The following SGPP1 variants were observed in gnomAD, a reference collection of about 807,000 sequenced individuals.
The protein encoded by SGPP1 is sphingosine-1-phosphate phosphatase 1, also known as hSPP1.
A neutral mutation model predicts 33.0 loss-of-function variants in SGPP1; 21 were observed. That is an observed-to-expected ratio of 0.64 (90% CI 0.45 to 0.92). The LOEUF is 0.92. SGPP1 is among the 40% of genes least tolerant of loss of function. The pLI, the probability that SGPP1 is intolerant of heterozygous loss-of-function variation, is 0.00. For missense variants in SGPP1, 543 were observed against 589.4 expected, an observed-to-expected ratio of 0.92 and a Z score of 0.81; for synonymous variants, 239 against 241.2, an observed-to-expected ratio of 0.99 and a Z score of 0.08.
chr14:63,719,000 ATATATATATATATATTTTTTTTTTT>A (rs1390823593), intron 1 of SGPP1, among the ~76,000 whole-genome samples: 20 of 24,266 alleles, frequency 8.2e-4, no homozygotes, highest in African/African-American at 3.4e-3. Context: ...ATATATATAT[ATATATATATATATATTTTTTTTTTT>A]TTTTTTTTTT....
chr14:63,703,578 G>A (rs557252411), intron 1 of SGPP1, among the ~76,000 whole-genome samples: 10 of 150,442 alleles, frequency 6.6e-5, no homozygotes, highest in South Asian at 6.3e-4. Context: ...GCTTGAACCC[G>A]GGAGGCAGAG....
At chr14:63,709,763 T>C (rs562433845) in intron 1 of SGPP1, among the ~76,000 whole-genome samples, 2 of 152,334 alleles carry the variant, frequency 1.3e-5, no homozygotes, top group Middle Eastern at 3.4e-3. Flanking sequence ...ACAGATCACA[T>C]GACATCCTAG....
At chr14:63,696,756 C>A (rs975385910) in intron 2 of SGPP1, among the ~76,000 whole-genome samples, 2 of 152,128 alleles carry the variant, frequency 1.3e-5, no homozygotes, top group African/African-American at 2.4e-5. Flanking sequence ...GAGGCCAAGG[C>A]AGGTGGATTA....
At position 63,720,010 on chromosome 14, in the gene SGPP1, C is replaced by T. The variant is rs1471306055; in HGVS notation, c.684+7251G>A. On this transcript the variant is annotated intron_variant, in intron 1 of 2. Coordinates refer to ENST00000247225, the MANE Select transcript of SGPP1 (RefSeq NM_030791.4). Reference sequence around the variant, plus strand: ...ACATGGTGGTAGGTGCCGGTAATCCCAGCTACTCGGGAGGCTGGGGCAGGA... The same window carrying T: ...ACATGGTGGTAGGTGCCGGTAATCCTAGCTACTCGGGAGGCTGGGGCAGGA... 3.3e-5 allele frequency among the ~76,000 whole-genome samples: 5 copies of T among 151,244 alleles called. No homozygotes were observed. The East Asian group carries it at 9.7e-4, about 29-fold the overall frequency.
At position 63,728,001 on chromosome 14, in the gene SGPP1, C is replaced by G. The variant is rs567903643; in HGVS notation, c.-57G>C. The G allele has an allele frequency of 4.1e-5, 60 of 1,471,462 alleles. No homozygotes were observed. The highest frequency in any genetic ancestry group is 4.9e-5 in the Non-Finnish European group (55 of 1,117,516). 91.2% of individuals were successfully genotyped at this position (1,471,462 alleles called of 1,614,324 possible). A position where few individuals can be genotyped will look rare whatever the true frequency, so the allele number is the denominator to read the frequency against. ...CTCCGGCGCAGCCCCGAACTGTCCC[C>G]GCGCTCCTGGCCAGCGGCAGCGGAA... On this transcript the variant is annotated 5_prime_UTR_variant, in exon 1 of 3. Transcript: ENST00000247225.
intron 2 of SGPP1, among the ~76,000 whole-genome samples, chr14:63,688,879 G>A (rs547971181): frequency 1.3e-5 from 2 of 152,074 alleles, no homozygotes; most frequent in South Asian, 2.1e-4. Flanking sequence ...CCGCCACCAT[G>A]CCCGACTAAT....
chr14:63,686,697 A>G (rs368916790), intron 2 of SGPP1, 41 bp from the exon 3 acceptor site: 46 of 1,344,230 alleles, frequency 3.4e-5, no homozygotes, highest in Non-Finnish European at 4.5e-5. Flanking sequence ...TATAATACTG[A>G]ATATTTTTGG....
chr14:63,689,116 T>G (rs1381212702), intron 2 of SGPP1, among the ~76,000 whole-genome samples: 2 of 152,194 alleles, frequency 1.3e-5, no homozygotes, highest in African/African-American at 2.4e-5. Flanking sequence ...ATTTGATACA[T>G]AGCAAAATAC....
Position 63,685,988 on chromosome 14 carries a change from T to C in SGPP1, c.*117A>G. 3.3e-6 allele frequency: 2 copies of C among 601,150 alleles called. No homozygotes were observed. The highest frequency in any genetic ancestry group is 5.6e-6 in the Non-Finnish European group (2 of 355,408). 37.2% of individuals were successfully genotyped at this position (601,150 alleles called of 1,614,324 possible). A position where few individuals can be genotyped will look rare whatever the true frequency, so the allele number is the denominator to read the frequency against. The stretch of plus-strand genomic sequence containing the variant: ...ACTGACTCTTATGAATTTACTTAAA[T>C]AATTATTTAAGTTAAATTCCTGCAA... On this transcript the variant is annotated 3_prime_UTR_variant, in exon 3 of 3. Coordinates refer to ENST00000247225, the MANE Select transcript of SGPP1 (RefSeq NM_030791.4).
chr14:63,689,065 G>A (rs554347151), intron 2 of SGPP1, among the ~76,000 whole-genome samples: 1 of 152,118 alleles, frequency 6.6e-6, no homozygotes, highest in Admixed American at 6.5e-5. Context: ...CAACAGACTA[G>A]TTGCTTGATG....
intron 1 of SGPP1, among the ~76,000 whole-genome samples, chr14:63,717,223 G>A (rs1375533821): frequency 6.8e-6 from 1 of 146,220 alleles, no homozygotes; most frequent in East Asian, 2.0e-4. Flanking sequence ...AAAAAAGGAA[G>A]CAGGGAAAGC....
rs2139621900 is a variant in SGPP1, at chr14:63,686,114, A to G, written c.1317T>C (p.Gly439=). 1.3e-6 allele frequency: 2 copies of G among 1,583,070 alleles called. No homozygotes were observed. Among genetic ancestry groups the G allele is most frequent in the South Asian group, 1.1e-5 (1 of 87,370 alleles). Residue 439 remains glycine, a synonymous_variant, in exon 3 of 3, where the codon GGT becomes GGC. Transcript: ENST00000247225. ...AAACAATACTTCTCCATCAAGAGAT[A>G]CCAATAAAGAAAAATATGTAAGGAA... is the stretch of plus-strand genomic sequence containing the variant. ...FFVPYIFFFI[G]IS is the part of the protein sequence containing the mutation.
intron 1 of SGPP1, among the ~76,000 whole-genome samples, chr14:63,718,990 ATATATATATATATATATATATATATTTTT>A (rs1885693737): frequency 3.1e-4 from 5 of 15,892 alleles, no homozygotes; most frequent in East Asian, 1.3e-3. Context: ...ATATATATAT[ATATATATATATATATATATATATATTTTT>A]TTTTTTTTTT....
intron 2 of SGPP1, among the ~76,000 whole-genome samples, chr14:63,692,946 C>CT (rs750900654): frequency 2.4e-4 from 36 of 152,264 alleles, no homozygotes; most frequent in Non-Finnish European, 4.0e-4. Context: ...CTTCATATTT[C>CT]TTTTTTTGAG....
chr14:63,719,699 T>C (rs576688745), intron 1 of SGPP1, among the ~76,000 whole-genome samples: 1 of 151,158 alleles, frequency 6.6e-6, no homozygotes, highest in Admixed American at 6.6e-5. Context: ...AGATAGCATT[T>C]TCTCTCTCCT....
intron 2 of SGPP1, among the ~76,000 whole-genome samples, chr14:63,696,941 G>C (rs1363685743): frequency 6.6e-6 from 1 of 152,140 alleles, no homozygotes; most frequent in Admixed American, 6.5e-5. Flanking sequence ...AGCCGAGATT[G>C]TGCCACTGCC....
At chr14:63,693,411 A>G (rs752377296) in intron 2 of SGPP1, among the ~76,000 whole-genome samples, 1 of 152,182 alleles carries the variant, frequency 6.6e-6, no homozygotes. Context: ...TTTTATCTTA[A>G]ATTTCATGAG....
intron 1 of SGPP1, among the ~76,000 whole-genome samples, chr14:63,715,828 ACTGTGGAGAGGAG>A (rs1292584091): frequency 6.6e-6 from 1 of 152,188 alleles, no homozygotes; most frequent in Non-Finnish European, 1.5e-5. Flanking sequence ...AGAAAAAACC[ACTGTGGAGAGGAG>A]CAGGCCAAAC....
At chr14:63,717,353 C>T (rs979156580) in intron 1 of SGPP1, among the ~76,000 whole-genome samples, 15 of 147,824 alleles carry the variant, frequency 1.0e-4, no homozygotes, top group East Asian at 2.0e-4. Flanking sequence ...CTCACTCTGT[C>T]GCTCACGCTG....
Sources: gnomAD v4.1 joint callset for allele counts (sites outside exome capture counted in the v4.1 genomes callset) on GRCh38, gnomAD v4.1.1 for gene constraint, MANE v1.5 for transcripts, NCBI Gene and HGNC (gene_info 2026-07-23, HGNC 2026-07-21) for gene names.